HSD17B12: variants seen among roughly 807,000 people sequenced by gnomAD.
HSD17B12 encodes hydroxysteroid 17-beta dehydrogenase 12.
In HSD17B12, 32 loss-of-function variants were observed where a neutral mutation model predicts 39.3. The observed-to-expected ratio is 0.81, with a 90% CI of 0.61 to 1.09. The LOEUF is 1.09. Among genes scored for constraint, HSD17B12 ranks in the 50% least tolerant of loss-of-function variants. The pLI is 0.00. For synonymous variants in HSD17B12, 150 were observed against 146.7 expected (o/e 1.02, Z -0.16); for missense variants, 342 against 382.9 (o/e 0.89, Z 0.89).
intron 3 of HSD17B12, among the ~76,000 whole-genome samples, chr11:43,761,284 A>G (rs1170054131): frequency 6.6e-6 from 1 of 152,262 alleles, no homozygotes; most frequent in Non-Finnish European, 1.5e-5. Context: ...GACAATGCAA[A>G]TAATTACATT....
At chr11:43,609,313 A>T in the HSD17B12 span, among the ~76,000 whole-genome samples, 1 of 148,662 alleles carries the variant, frequency 6.7e-6, no homozygotes, top group Non-Finnish European at 1.5e-5. Context: ...TAGTACATAT[A>T]TTATATATGA....
intron 1 of HSD17B12, among the ~76,000 whole-genome samples, chr11:43,706,108 T>G (rs1950012295): frequency 6.6e-6 from 1 of 152,126 alleles, no homozygotes; most frequent in African/African-American, 2.4e-5. Context: ...GGTGGGGGTG[T>G]GTCCTTACTG....
chr11:43,690,379 TATATATATATATATATA>T (rs1949844966), intron 1 of HSD17B12, among the ~76,000 whole-genome samples: 15 of 12,872 alleles, frequency 1.2e-3, no homozygotes, highest in Admixed American at 1.8e-3. Flanking sequence ...TATATATATA[TATATATATATATATATA>T]TATATATATT....
At chr11:43,641,830 G>T in the HSD17B12 span, among the ~76,000 whole-genome samples, 1 of 151,874 alleles carries the variant, frequency 6.6e-6, no homozygotes, top group Non-Finnish European at 1.5e-5. Context: ...TTTAAAAGCA[G>T]ATTACAAGTG....
chr11:43,592,443 G>A, the HSD17B12 span, among the ~76,000 whole-genome samples: 1 of 151,946 alleles, frequency 6.6e-6, no homozygotes, highest in Admixed American at 6.6e-5. Context: ...ATAAAAACCT[G>A]AGTCCCAGAA....
At chr11:43,731,352 C>A (rs975611925) in intron 1 of HSD17B12, among the ~76,000 whole-genome samples, 2 of 152,198 alleles carry the variant, frequency 1.3e-5, no homozygotes, top group Non-Finnish European at 2.9e-5. Context: ...CTACATTAGA[C>A]CTTCCCTTAT....
At chr11:43,718,850 A>G (rs1261956009) in intron 1 of HSD17B12, 8 of 873,524 alleles carry the variant, frequency 9.2e-6, no homozygotes, top group Non-Finnish European at 1.5e-5. Context: ...GAAGCAGCCC[A>G]AATATCCTCG....
intron 1 of HSD17B12, among the ~76,000 whole-genome samples, chr11:43,743,567 C>G (rs1950387552): frequency 6.6e-6 from 1 of 152,252 alleles, no homozygotes; most frequent in African/African-American, 2.4e-5. Flanking sequence ...AGCAGAAGCC[C>G]TAAGATGAGA....
intron 1 of HSD17B12, among the ~76,000 whole-genome samples, chr11:43,685,571 G>A (rs1173541569): frequency 1.3e-5 from 2 of 152,220 alleles, no homozygotes; most frequent in African/African-American, 4.8e-5. Context: ...TAACCTCTTT[G>A]AGCTGTGCTC....
the HSD17B12 span, chr11:43,645,365 T>C: frequency 6.6e-6 from 1 of 152,218 alleles, no homozygotes; most frequent in Non-Finnish European, 1.5e-5. Flanking sequence ...TGAAAAGCCA[T>C]TTTTCAGGCA....
chr11:43,656,685 T>A, the HSD17B12 span, among the ~76,000 whole-genome samples: 1,414 of 152,330 alleles, frequency 9.3e-3, 32 homozygotes, highest in African/African-American at 0.032. Flanking sequence ...GAGCAGGGTG[T>A]TCAGTTTTCA....
At chr11:43,718,989 A>G (rs1950151903) in intron 1 of HSD17B12, 3 of 1,023,872 alleles carry the variant, frequency 2.9e-6, no homozygotes, top group East Asian at 2.4e-5. Context: ...GTTAAAGCCA[A>G]CAAGCACCAG....
At chr11:43,618,905 A>G in the HSD17B12 span, among the ~76,000 whole-genome samples, 1 of 152,022 alleles carries the variant, frequency 6.6e-6, no homozygotes, top group African/African-American at 2.4e-5. Flanking sequence ...TTGTCTTTGA[A>G]TGTAACATAT....
chr11:43,816,392 G>A lies in HSD17B12; in HGVS notation c.501+1G>A. 6.6e-7 allele frequency: 1 copy of A among 1,521,722 alleles called. No homozygotes were observed. The highest frequency in any genetic ancestry group is 1.2e-5 in the South Asian group (1 of 81,572). The allele number at this position is 1,521,722 out of a possible 1,614,324, so 94.3% of individuals were successfully genotyped here. A position where few individuals can be genotyped will look rare whatever the true frequency, so the allele number is the denominator to read the frequency against. On this transcript the variant is annotated splice_donor_variant, in intron 6 of 10. Transcript: ENST00000278353. LOFTEE classifies it high-confidence loss of function. The stretch of plus-strand genomic sequence containing the variant: ...TATTAATATTCTTTCTGTTTGTAAG[G>A]TAAGCATCCTTGTTATAAAGATGTC...
chr11:43,842,732 C>G (rs1233060526), intron 9 of HSD17B12, among the ~76,000 whole-genome samples: 2 of 152,186 alleles, frequency 1.3e-5, no homozygotes, highest in Non-Finnish European at 2.9e-5. Context: ...TGTAATTACA[C>G]TATTAACTGA....
At chr11:43,672,520 T>C in the HSD17B12 span, among the ~76,000 whole-genome samples, 1 of 152,150 alleles carries the variant, frequency 6.6e-6, no homozygotes. Context: ...TTGAAGTTGA[T>C]ATTGCAATAT....
intron 4 of HSD17B12, among the ~76,000 whole-genome samples, chr11:43,812,675 T>C (rs1358556056): frequency 6.6e-6 from 1 of 152,226 alleles, no homozygotes; most frequent in Non-Finnish European, 1.5e-5. Context: ...AGGTAGTCTC[T>C]TCACTCTGTT....
chr11:43,775,154 T>TA (rs1194011055), intron 3 of HSD17B12, among the ~76,000 whole-genome samples: 1 of 152,152 alleles, frequency 6.6e-6, no homozygotes, highest in Non-Finnish European at 1.5e-5. Context: ...GCCCCAGTCT[T>TA]ACAACTGCAA....
intron 6 of HSD17B12, among the ~76,000 whole-genome samples, chr11:43,825,508 G>A (rs1178723270): frequency 6.6e-6 from 1 of 152,194 alleles, no homozygotes; most frequent in Non-Finnish European, 1.5e-5. Flanking sequence ...TAGGAATTAT[G>A]TTAAGAATGC....
Sources: gnomAD v4.1 joint callset for allele counts (sites outside exome capture counted in the v4.1 genomes callset) on GRCh38, gnomAD v4.1.1 for gene constraint, MANE v1.5 for transcripts, NCBI Gene and HGNC (gene_info 2026-07-23, HGNC 2026-07-21) for gene names.